STX8: variants seen among roughly 807,000 people sequenced by gnomAD.
STX8 encodes the protein syntaxin-8.
In STX8, 23 loss-of-function variants were observed where a neutral mutation model predicts 37.5. The ratio of observed to expected loss-of-function variants is 0.61; its 90% confidence interval spans 0.44 to 0.87. STX8 has a LOEUF of 0.87. Ranked by LOEUF, STX8 falls within the 40% of genes least tolerant of loss-of-function variation. The pLI is 0.00. For synonymous variants in STX8, 115 were observed against 99.1 expected (o/e 1.16, Z -0.95); for missense variants, 313 against 284.7 (o/e 1.10, Z -0.71).
At chr17:9,460,482 G>A (rs1375323357) in intron 6 of STX8, among the ~76,000 whole-genome samples, 1 of 152,092 alleles carries the variant, frequency 6.6e-6, no homozygotes, top group Non-Finnish European at 1.5e-5. Context: ...AGACCAGCTT[G>A]GCCAACATGG....
intron 7 of STX8, among the ~76,000 whole-genome samples, chr17:9,334,598 G>A (rs1254425080): frequency 1.3e-5 from 2 of 152,062 alleles, no homozygotes; most frequent in East Asian, 3.9e-4. Flanking sequence ...AAGTATGCAG[G>A]ATATGATCCC....
At chr17:9,428,875 T>C (rs958213911) in intron 6 of STX8, among the ~76,000 whole-genome samples, 2 of 152,268 alleles carry the variant, frequency 1.3e-5, no homozygotes, top group East Asian at 1.9e-4. Flanking sequence ...GTGGCTACTA[T>C]AGTGGACAAC....
chr17:9,417,348 C>A (rs548768294), intron 6 of STX8, among the ~76,000 whole-genome samples: 2 of 152,110 alleles, frequency 1.3e-5, no homozygotes, highest in South Asian at 4.2e-4. Context: ...TGCCAAGGAA[C>A]GATTTTTCTC....
At chr17:9,404,641 G>T (rs1409048203) in intron 6 of STX8, among the ~76,000 whole-genome samples, 4 of 152,120 alleles carry the variant, frequency 2.6e-5, no homozygotes, top group African/African-American at 9.7e-5. Flanking sequence ...TTTCAGCAGA[G>T]ATGGGGTTTC....
At chr17:9,537,448 G>A (rs181372064) in intron 4 of STX8, among the ~76,000 whole-genome samples, 7 of 152,320 alleles carry the variant, frequency 4.6e-5, no homozygotes, top group Admixed American at 3.9e-4. Context: ...ACAGCCCAGA[G>A]ATGGAAGCAA....
Position 9,359,652 on chromosome 17 carries a change from C to G in STX8, c.643+18900G>C, listed in dbSNP as rs187981206. 2.0e-3 allele frequency among the ~76,000 whole-genome samples: 310 copies of G among 151,742 alleles called. 3 individuals carry two copies. The highest frequency in any genetic ancestry group is 7.1e-3 in the African/African-American group (295 of 41,356). On this transcript the variant is annotated intron_variant, in intron 7 of 7. Transcript: ENST00000306357. ...CCTCCCAAATAGCTGGGACTACAAGCGCCGACCACCATGCCCGGCTAATAT... is the reference window on the plus strand; with the variant it reads ...CCTCCCAAATAGCTGGGACTACAAGGGCCGACCACCATGCCCGGCTAATAT...
At chr17:9,344,698 C>A (rs1052375662) in intron 7 of STX8, among the ~76,000 whole-genome samples, 71 of 152,142 alleles carry the variant, frequency 4.7e-4, no homozygotes, top group East Asian at 1.9e-4. Context: ...CCCACCCACA[C>A]CCCCAACTCA....
chr17:9,351,549 C>T (rs1567794366), intron 7 of STX8, among the ~76,000 whole-genome samples: 1 of 152,168 alleles, frequency 6.6e-6, no homozygotes, highest in Non-Finnish European at 1.5e-5. Context: ...AATTTTAACA[C>T]TGATACAACA....
At chr17:9,297,375 A>C (rs1003632956) in intron 7 of STX8, among the ~76,000 whole-genome samples, 1 of 152,178 alleles carries the variant, frequency 6.6e-6, no homozygotes, top group Non-Finnish European at 1.5e-5. Flanking sequence ...CTCCCACTTA[A>C]TGGAATGATT....
intron 7 of STX8, among the ~76,000 whole-genome samples, chr17:9,331,022 C>A (rs1909946044): frequency 6.6e-6 from 1 of 152,180 alleles, no homozygotes; most frequent in Non-Finnish European, 1.5e-5. Flanking sequence ...ACTTTCCCTG[C>A]AATTTTAGAC....
intron 4 of STX8, among the ~76,000 whole-genome samples, chr17:9,525,045 G>T (rs1905508584): frequency 6.6e-6 from 1 of 152,138 alleles, no homozygotes; most frequent in Non-Finnish European, 1.5e-5. Flanking sequence ...CTGACCTCAA[G>T]TGATCCACCC....
intron 6 of STX8, among the ~76,000 whole-genome samples, chr17:9,488,142 C>A (rs532851971): frequency 2.6e-5 from 4 of 152,174 alleles, no homozygotes; most frequent in African/African-American, 9.6e-5. Context: ...GCCTGGCCAA[C>A]AGGGTGAAAC....
intron 4 of STX8, among the ~76,000 whole-genome samples, chr17:9,506,866 G>C (rs1904857839): frequency 1.3e-5 from 2 of 152,050 alleles, no homozygotes; most frequent in African/African-American, 4.8e-5. Context: ...TCCCTCTGGA[G>C]TGTGCCTTCC....
chr17:9,483,275 T>C (rs759756750), intron 6 of STX8, among the ~76,000 whole-genome samples: 70 of 152,166 alleles, frequency 4.6e-4, no homozygotes, highest in Admixed American at 1.6e-3. Context: ...CATGGCTCCG[T>C]TCTCCACGTT....
intron 4 of STX8, among the ~76,000 whole-genome samples, chr17:9,541,422 C>A (rs1906272347): frequency 6.6e-6 from 1 of 152,186 alleles, no homozygotes; most frequent in Non-Finnish European, 1.5e-5. Flanking sequence ...AATGAGGCAG[C>A]CTGAGTTCCC....
intron 1 of STX8, 116 bp downstream of exon 1, chr17:9,575,676 C>T: frequency 1.6e-6 from 2 of 1,276,202 alleles, no homozygotes; most frequent in Non-Finnish European, 2.2e-6. Context: ...GGTCTCGCTG[C>T]CCCTCCCCTC....
chr17:9,264,372 A>G (rs778136192), intron 7 of STX8, among the ~76,000 whole-genome samples: 10 of 152,198 alleles, frequency 6.6e-5, no homozygotes, highest in Non-Finnish European at 1.5e-4. Context: ...TGGCATGGTC[A>G]CGGCTCACTG....
In STX8 at chr17:9,476,557, A is replaced by C. The variant is rs139405764; in HGVS notation, c.541+15272T>G. On this transcript the variant is annotated intron_variant, in intron 6 of 7. Transcript: ENST00000306357. ...AACCTCCACCTCCCGGGTTCAAGCT[A>C]TTCTCCTGGCTCAGCCTCCCAAGTA... 6.3e-4 allele frequency among the ~76,000 whole-genome samples: 96 copies of C among 151,422 alleles called. No individual in the cohort carries two copies. In the East Asian group the frequency reaches 0.018, roughly 28 times the overall value.
intron 5 of STX8, among the ~76,000 whole-genome samples, chr17:9,503,772 T>C (rs1049020482): frequency 2.0e-4 from 31 of 152,210 alleles, no homozygotes; most frequent in African/African-American, 7.5e-4. Context: ...TTTTTCTTTT[T>C]TTTCCTTTGA....
Sources: gnomAD v4.1 joint callset for allele counts (sites outside exome capture counted in the v4.1 genomes callset) on GRCh38, gnomAD v4.1.1 for gene constraint, MANE v1.5 for transcripts, NCBI Gene and HGNC (gene_info 2026-07-23, HGNC 2026-07-21) for gene names.